The following GALNT13 variants were observed in gnomAD, a reference collection of about 807,000 sequenced individuals.
GALNT13 encodes polypeptide N-acetylgalactosaminyltransferase 13, also known as UDP-GalNAc:polypeptide N-acetylgalactosaminyltransferase 13.
In GALNT13, 28 loss-of-function variants were observed where a neutral mutation model predicts 64.2. That is an observed-to-expected ratio of 0.44 (90% CI 0.32 to 0.60). GALNT13 has a LOEUF of 0.60. Ranked by LOEUF, GALNT13 falls within the 20% of genes least tolerant of loss-of-function variation. GALNT13 has a pLI of 0.05. For synonymous variants in GALNT13, 214 were observed against 224.6 expected (o/e 0.95, Z 0.42); for missense variants, 577 against 669.8 (o/e 0.86, Z 1.53).
chr2:153,469,645 TA>T, the GALNT13 span, among the ~76,000 whole-genome samples: 1 of 152,066 alleles, frequency 6.6e-6, no homozygotes, highest in Admixed American at 6.6e-5. Context: ...CCAAGAAAAG[TA>T]AATAAAGTAT....
chr2:153,520,045 G>A, the GALNT13 span, among the ~76,000 whole-genome samples: 2 of 152,030 alleles, frequency 1.3e-5, no homozygotes, highest in African/African-American at 2.4e-5. Flanking sequence ...GGCAGCAAAG[G>A]CACCAGATGC....
At chr2:153,159,840 G>A in the GALNT13 span, among the ~76,000 whole-genome samples, 2 of 152,102 alleles carry the variant, frequency 1.3e-5, no homozygotes, top group Admixed American at 6.5e-5. Context: ...CTGAAGTTAC[G>A]GTTTACCTTG....
At chr2:153,461,815 T>A in the GALNT13 span, among the ~76,000 whole-genome samples, 3 of 152,082 alleles carry the variant, frequency 2.0e-5, no homozygotes, top group Non-Finnish European at 2.9e-5. Context: ...GAGAATAAGA[T>A]GCCATGTGTG....
intron 9 of GALNT13, among the ~76,000 whole-genome samples, chr2:154,374,086 G>A (rs892207726): frequency 3.4e-4 from 51 of 152,166 alleles, no homozygotes; most frequent in African/African-American, 1.2e-3. Context: ...TTCCTTTCCC[G>A]GCTTTCTTCC....
chr2:153,701,621 A>G, the GALNT13 span, among the ~76,000 whole-genome samples: 1 of 152,210 alleles, frequency 6.6e-6, no homozygotes, highest in Admixed American at 6.5e-5. Context: ...ATCTACAAGG[A>G]ACTTAAATTT....
At chr2:153,526,280 C>T in the GALNT13 span, among the ~76,000 whole-genome samples, 1 of 152,236 alleles carries the variant, frequency 6.6e-6, no homozygotes, top group Non-Finnish European at 1.5e-5. Context: ...CAGGTCTAAC[C>T]CAGCACAATC....
intron 1 of GALNT13, among the ~76,000 whole-genome samples, chr2:153,896,632 A>G (rs546411284): frequency 1.3e-5 from 2 of 152,014 alleles, no homozygotes; most frequent in East Asian, 3.9e-4. Context: ...GATTTGTTAT[A>G]TAGGCTAATT....
chr2:154,355,273 T>A (rs1308333865), intron 9 of GALNT13, among the ~76,000 whole-genome samples: 1 of 152,110 alleles, frequency 6.6e-6, no homozygotes, highest in East Asian at 1.9e-4. Flanking sequence ...CTGTAAAAGG[T>A]CACATGAGAT....
the GALNT13 span, among the ~76,000 whole-genome samples, chr2:153,769,675 C>T: frequency 6.6e-6 from 1 of 152,110 alleles, no homozygotes; most frequent in South Asian, 2.1e-4. Flanking sequence ...AATATATCTT[C>T]CATACTTTTT....
At chr2:154,194,520 G>T (rs888529842) in intron 4 of GALNT13, among the ~76,000 whole-genome samples, 2 of 152,156 alleles carry the variant, frequency 1.3e-5, no homozygotes, top group African/African-American at 4.8e-5. Context: ...AATTGTTGGT[G>T]AAAGGTTGAA....
chr2:153,998,058 G>A (rs929510390), intron 3 of GALNT13, among the ~76,000 whole-genome samples: 1 of 152,082 alleles, frequency 6.6e-6, no homozygotes, highest in African/African-American at 2.4e-5. Context: ...GGGCATTTGG[G>A]TTGGTTCTAA....
the GALNT13 span, among the ~76,000 whole-genome samples, chr2:153,422,670 A>C: frequency 6.6e-6 from 1 of 152,158 alleles, no homozygotes; most frequent in Non-Finnish European, 1.5e-5. Context: ...TTTAATGAAA[A>C]CTAGACCACA....
At chr2:153,165,711 A>ACACATCG in the GALNT13 span, among the ~76,000 whole-genome samples, 4 of 152,158 alleles carry the variant, frequency 2.6e-5, no homozygotes, top group Non-Finnish European at 5.9e-5. Flanking sequence ...TGCTGGTGAC[A>ACACATCG]CACATCGTCT....
intron 3 of GALNT13, among the ~76,000 whole-genome samples, chr2:153,948,363 G>A (rs1691925247): frequency 1.3e-5 from 2 of 152,038 alleles, no homozygotes. Flanking sequence ...ACATATGCTG[G>A]CAAGGTTGTG....
the GALNT13 span, among the ~76,000 whole-genome samples, chr2:153,788,011 A>T: frequency 6.6e-6 from 1 of 152,240 alleles, no homozygotes; most frequent in Admixed American, 6.5e-5. Flanking sequence ...CTTGAAAAAC[A>T]CATTTCAGGA....
the GALNT13 span, among the ~76,000 whole-genome samples, chr2:153,744,328 C>T: frequency 6.6e-6 from 1 of 152,092 alleles, no homozygotes; most frequent in Admixed American, 6.6e-5. Context: ...CTCCACTCCT[C>T]ACCAGCATTT....
the GALNT13 span, among the ~76,000 whole-genome samples, chr2:153,800,045 GCT>G: frequency 0.3 from 35,391 of 118,272 alleles, 4,625 homozygotes; most frequent in Non-Finnish European, 0.38. Context: ...CATTTAGTTT[GCT>G]CTCTCTCTCT....
At chr2:154,183,215 T>C (rs981077087) in intron 4 of GALNT13, among the ~76,000 whole-genome samples, 41 of 152,296 alleles carry the variant, frequency 2.7e-4, no homozygotes, top group African/African-American at 9.4e-4. Context: ...GTAATTAGTA[T>C]GTTGAGATTT....
chr2:153,984,218 G>GA (rs1450109715), intron 3 of GALNT13, among the ~76,000 whole-genome samples: 1 of 151,580 alleles, frequency 6.6e-6, no homozygotes, highest in Admixed American at 6.6e-5. Context: ...AATTTGAAAT[G>GA]AAAAAATCAT....
Sources: allele counts gnomAD v4.1 joint callset (sites outside exome capture counted in the v4.1 genomes callset), GRCh38; gene constraint gnomAD v4.1.1; transcripts MANE v1.5; gene names NCBI Gene and HGNC (gene_info 2026-07-23, HGNC 2026-07-21).